The following PCDH9 variants were observed in gnomAD, a reference collection of about 807,000 sequenced individuals.
The protein encoded by PCDH9 is protocadherin-9.
PCDH9 carries 24 observed loss-of-function variants against 70.6 expected under a neutral mutation model. The observed-to-expected ratio is 0.34, with a 90% confidence interval of 0.25 to 0.48. The LOEUF (loss-of-function observed/expected upper bound fraction) is 0.48. Among genes scored for constraint, PCDH9 ranks in the 20% least tolerant of loss-of-function variants. The pLI is 0.99. For missense variants in PCDH9, 1,281 were observed against 1,503.6 expected (o/e 0.85, Z 2.45); for synonymous variants, 562 against 558.5 (o/e 1.01, Z -0.09).
intron 3 of PCDH9, among the ~76,000 whole-genome samples, chr13:66,740,176 A>T (rs1465294220): frequency 6.9e-6 from 1 of 144,760 alleles, no homozygotes; most frequent in African/African-American, 2.6e-5. Context: ...AGAACTCAGG[A>T]TTAAGAATTT....
At chr13:66,547,414 C>A (rs555219924) in intron 4 of PCDH9, among the ~76,000 whole-genome samples, 2 of 152,046 alleles carry the variant, frequency 1.3e-5, no homozygotes, top group Non-Finnish European at 2.9e-5. Flanking sequence ...AATTGTTGGG[C>A]GATTAAGGTT....
intron 2 of PCDH9, among the ~76,000 whole-genome samples, chr13:67,112,578 C>T (rs1486510269): frequency 6.6e-6 from 1 of 152,080 alleles, no homozygotes; most frequent in Non-Finnish European, 1.5e-5. Flanking sequence ...TGTGAAGCTA[C>T]ACAATTTCCA....
At chr13:66,468,331 C>G (rs1045266068) in intron 4 of PCDH9, among the ~76,000 whole-genome samples, 7 of 152,032 alleles carry the variant, frequency 4.6e-5, no homozygotes, top group African/African-American at 1.7e-4. Flanking sequence ...TTCCTGTCAC[C>G]ACCTTGGTAA....
intron 3 of PCDH9, among the ~76,000 whole-genome samples, chr13:66,760,755 C>G (rs1013457539): frequency 2.6e-5 from 4 of 152,088 alleles, no homozygotes; most frequent in Non-Finnish European, 5.9e-5. Flanking sequence ...GGAGAAATAT[C>G]ACTGAATTAT....
intron 4 of PCDH9, among the ~76,000 whole-genome samples, chr13:66,561,634 AC>A (rs1384738330): frequency 2.6e-5 from 4 of 151,954 alleles, no homozygotes; most frequent in Non-Finnish European, 5.9e-5. Context: ...ACCAATCCAC[AC>A]TCTGTATCTA....
At chr13:67,157,806 T>A (rs4884718) in intron 2 of PCDH9, among the ~76,000 whole-genome samples, 26,640 of 152,174 alleles carry the variant, frequency 0.18, 2,640 homozygotes, top group Non-Finnish European at 0.21. Flanking sequence ...AGCACGCAGA[T>A]AGATTTTTGG....
chr13:66,941,343 A>C (rs921853822), intron 2 of PCDH9, among the ~76,000 whole-genome samples: 45 of 151,988 alleles, frequency 3.0e-4, no homozygotes, highest in African/African-American at 1.1e-3. Context: ...AAAAAGCAAA[A>C]AAATGAACAA....
chr13:66,738,183 C>A (rs2079188374), intron 3 of PCDH9, among the ~76,000 whole-genome samples: 1 of 151,998 alleles, frequency 6.6e-6, no homozygotes. Context: ...GGTCCCTGAC[C>A]CCTGACCCCC....
intron 4 of PCDH9, among the ~76,000 whole-genome samples, chr13:66,313,217 A>C (rs1455506574): frequency 6.6e-6 from 1 of 152,238 alleles, no homozygotes; most frequent in Non-Finnish European, 1.5e-5. Context: ...TTCAATGTTT[A>C]AGCAAACTGC....
chr13:66,665,695 T>A (rs1230393657), intron 3 of PCDH9, among the ~76,000 whole-genome samples: 1 of 152,202 alleles, frequency 6.6e-6, no homozygotes, highest in Non-Finnish European at 1.5e-5. Context: ...TTATGTTCTG[T>A]GCTGTGTCCT....
chr13:66,760,224 A>AT (rs1175621436), intron 3 of PCDH9, among the ~76,000 whole-genome samples: 1 of 152,088 alleles, frequency 6.6e-6, no homozygotes, highest in Non-Finnish European at 1.5e-5. Context: ...TGCTGGACAT[A>AT]TTAAAACTCC....
At chr13:66,993,277 G>A (rs73507315) in intron 2 of PCDH9, among the ~76,000 whole-genome samples, 2,630 of 152,254 alleles carry the variant, frequency 0.017, 72 homozygotes, top group African/African-American at 0.061. Context: ...GAAAATGGTT[G>A]TATTTATTTT....
At chr13:67,036,071 G>A (rs78710732) in intron 2 of PCDH9, among the ~76,000 whole-genome samples, 1 of 152,190 alleles carries the variant, frequency 6.6e-6, no homozygotes, top group East Asian at 1.9e-4. Context: ...GACCAAAATT[G>A]GAACAGCACA....
At chr13:66,403,549 C>T (rs1015593126) in intron 4 of PCDH9, among the ~76,000 whole-genome samples, 6 of 152,036 alleles carry the variant, frequency 3.9e-5, no homozygotes, top group Non-Finnish European at 2.9e-5. Flanking sequence ...CAGTGGTCTT[C>T]TATTTTATTC....
chr13:66,364,029 C>T (rs1021942191), intron 4 of PCDH9, among the ~76,000 whole-genome samples: 5 of 152,022 alleles, frequency 3.3e-5, no homozygotes, highest in Non-Finnish European at 5.9e-5. Flanking sequence ...TTGGCAGGCA[C>T]CTGTAATCCC....
intron 3 of PCDH9, among the ~76,000 whole-genome samples, chr13:66,743,613 G>C (rs1314810597): frequency 6.6e-6 from 1 of 151,990 alleles, no homozygotes; most frequent in Non-Finnish European, 1.5e-5. Context: ...ACAATGTATT[G>C]TATGCTCAAA....
At chr13:67,056,970 T>C (rs2085433270) in intron 2 of PCDH9, among the ~76,000 whole-genome samples, 1 of 152,202 alleles carries the variant, frequency 6.6e-6, no homozygotes. Flanking sequence ...ATACTGTGTC[T>C]ATATTACTAC....
At chr13:66,950,274 C>T (rs1304095631) in intron 2 of PCDH9, among the ~76,000 whole-genome samples, 1 of 152,064 alleles carries the variant, frequency 6.6e-6, no homozygotes, top group East Asian at 1.9e-4. Context: ...TGAGCAAAAT[C>T]AGATAGAAGA....
At chr13:66,813,802 G>A (rs2080554359) in intron 3 of PCDH9, among the ~76,000 whole-genome samples, 1 of 152,018 alleles carries the variant, frequency 6.6e-6, no homozygotes, top group Non-Finnish European at 1.5e-5. Context: ...AATAATTAGT[G>A]CTTTATTATG....
Sources: gnomAD v4.1 joint callset for allele counts (sites outside exome capture counted in the v4.1 genomes callset) on GRCh38, gnomAD v4.1.1 for gene constraint, MANE v1.5 for transcripts, NCBI Gene and HGNC (gene_info 2026-07-23, HGNC 2026-07-21) for gene names.